The following PCED1B variants were observed in gnomAD, a reference collection of about 807,000 sequenced individuals.
PCED1B encodes PC-esterase domain-containing protein 1B.
For missense variants in PCED1B, 573 were observed against 573.9 expected (o/e 1.00, Z 0.02); for synonymous variants, 251 against 246.1 (o/e 1.02, Z -0.19).
intron 1 of PCED1B, among the ~76,000 whole-genome samples, chr12:47,084,972 C>G (rs539665900): frequency 2.6e-5 from 4 of 152,122 alleles, no homozygotes; most frequent in African/African-American, 9.7e-5. Flanking sequence ...GGCAAATCCC[C>G]GTCTCTACTA....
At chr12:47,082,675 G>A (rs1307319569) in intron 1 of PCED1B, among the ~76,000 whole-genome samples, 1 of 152,120 alleles carries the variant, frequency 6.6e-6, no homozygotes, top group Non-Finnish European at 1.5e-5. Flanking sequence ...CCACAGCCCT[G>A]TGACATTATA....
chr12:47,178,256 G>A (rs1941986584), intron 2 of PCED1B, among the ~76,000 whole-genome samples: 1 of 152,206 alleles, frequency 6.6e-6, no homozygotes, highest in Non-Finnish European at 1.5e-5. Flanking sequence ...GTAGGGATTA[G>A]ATGGCAGACA....
At chr12:47,177,862 G>A (rs567083614) in intron 2 of PCED1B, among the ~76,000 whole-genome samples, 14 of 152,178 alleles carry the variant, frequency 9.2e-5, no homozygotes, top group South Asian at 4.2e-4. Flanking sequence ...CAGGAGAATC[G>A]CTTGAACTCG....
intron 2 of PCED1B, among the ~76,000 whole-genome samples, chr12:47,143,797 A>AGAGGATCATACTTCTT (rs59622634): frequency 0.57 from 86,801 of 151,690 alleles, 25,593 homozygotes; most frequent in Admixed American, 0.64. Flanking sequence ...GAACAAAGCT[A>AGAGGATCATACTTCTT]GACTTCAAAT....
At chr12:47,195,260 C>T (rs745683673) in intron 2 of PCED1B, among the ~76,000 whole-genome samples, 5 of 149,906 alleles carry the variant, frequency 3.3e-5, no homozygotes, top group Non-Finnish European at 7.4e-5. Flanking sequence ...ACCCAAAAGG[C>T]GGAGGTTGCA....
intron 2 of PCED1B, among the ~76,000 whole-genome samples, chr12:47,125,606 CATCTT>C (rs1447705381): frequency 6.6e-6 from 1 of 152,008 alleles, no homozygotes; most frequent in Non-Finnish European, 1.5e-5. Context: ...GGATAATAGA[CATCTT>C]AATAGTACTG....
At chr12:47,128,927 A>T (rs17097628) in intron 2 of PCED1B, among the ~76,000 whole-genome samples, 3 of 152,186 alleles carry the variant, frequency 2.0e-5, no homozygotes, top group Non-Finnish European at 2.9e-5. Flanking sequence ...GAAAGTGCGG[A>T]AGTGCAGAAA....
chr12:47,218,360 T>C (rs900674562), intron 3 of PCED1B, among the ~76,000 whole-genome samples: 2 of 152,270 alleles, frequency 1.3e-5, no homozygotes, highest in African/African-American at 2.4e-5. Context: ...CCTTAGTCCC[T>C]GGACCTTGCT....
chr12:47,089,393 G>A (rs1319341373), intron 1 of PCED1B, among the ~76,000 whole-genome samples: 1 of 145,232 alleles, frequency 6.9e-6, no homozygotes, highest in African/African-American at 2.5e-5. Context: ...CTTGCAGTGA[G>A]CTGAGATCAT....
chr12:47,217,531 G>GAGAAA (rs1565608284), intron 3 of PCED1B, among the ~76,000 whole-genome samples: 21,145 of 100,382 alleles, frequency 0.21, 4,487 homozygotes, highest in African/African-American at 0.51. Context: ...AAGAGAAAGA[G>GAGAAA]AGAAAAGAAA....
At chr12:47,234,376 G>A (rs940763) in intron 3 of PCED1B, among the ~76,000 whole-genome samples, 3,058 of 152,220 alleles carry the variant, frequency 0.02, 90 homozygotes, top group African/African-American at 0.07. Context: ...TATAACAAGC[G>A]ATATAAGACT....
chr12:47,204,874 C>G (rs935095096), intron 2 of PCED1B, among the ~76,000 whole-genome samples: 1 of 152,132 alleles, frequency 6.6e-6, no homozygotes, highest in Non-Finnish European at 1.5e-5. Context: ...GTTCAGTTGC[C>G]TCCGTAATCA....
intron 2 of PCED1B, among the ~76,000 whole-genome samples, chr12:47,115,778 TG>T (rs1939394384): frequency 6.6e-6 from 1 of 152,200 alleles, no homozygotes; most frequent in Non-Finnish European, 1.5e-5. Flanking sequence ...AAAATTAACA[TG>T]TCTTACATCT....
chr12:47,218,747 C>T (rs1397054697), intron 3 of PCED1B, among the ~76,000 whole-genome samples: 1 of 150,550 alleles, frequency 6.6e-6, no homozygotes, highest in Non-Finnish European at 1.5e-5. Context: ...CTCAAGCAAT[C>T]GTCCCTCCTT....
At chr12:47,219,697 T>C (rs10785669) in intron 3 of PCED1B, among the ~76,000 whole-genome samples, 39,170 of 152,134 alleles carry the variant, frequency 0.26, 5,301 homozygotes, top group South Asian at 0.38. Flanking sequence ...TGTTTTCTCA[T>C]GGAAAAATTT....
At chr12:47,167,081 C>T (rs1457125871) in intron 2 of PCED1B, among the ~76,000 whole-genome samples, 2 of 152,096 alleles carry the variant, frequency 1.3e-5, no homozygotes, top group Non-Finnish European at 2.9e-5. Context: ...TTGTTTAGTG[C>T]TTTCTCCATT....
At chr12:47,152,502 G>T (rs905653742) in intron 2 of PCED1B, among the ~76,000 whole-genome samples, 1 of 152,174 alleles carries the variant, frequency 6.6e-6, no homozygotes, top group Non-Finnish European at 1.5e-5. Context: ...TCCAGATAGA[G>T]GAGAATTAGG....
intron 2 of PCED1B, among the ~76,000 whole-genome samples, chr12:47,126,367 T>G (rs1939888507): frequency 6.6e-6 from 1 of 152,170 alleles, no homozygotes; most frequent in African/African-American, 2.4e-5. Flanking sequence ...CCACTTGTTA[T>G]GAACTATTAT....
At position 47,212,633 on chromosome 12, in the gene PCED1B, G is replaced by C. The variant is rs74084709; in HGVS notation, c.-525-3589G>C. Reference sequence around the variant, plus strand: ...AGTGATGGTGTCATACCAGCCCATGGAACAGTGCCCATCAAACAAGGTACT... The same window carrying C: ...AGTGATGGTGTCATACCAGCCCATGCAACAGTGCCCATCAAACAAGGTACT... On this transcript the variant is annotated intron_variant, in intron 2 of 3. Transcript: ENST00000546455. Among the ~76,000 whole-genome samples, 473 of 152,306 alleles carry C rather than the reference G, an allele frequency of 3.1e-3. 4 individuals carry two copies. Among genetic ancestry groups the C allele is most frequent in the African/African-American group, 0.011 (446 of 41,556 alleles).
Sources: allele counts gnomAD v4.1 joint callset (sites outside exome capture counted in the v4.1 genomes callset), GRCh38; gene constraint gnomAD v4.1.1; transcripts MANE v1.5; gene names NCBI Gene and HGNC (gene_info 2026-07-23, HGNC 2026-07-21).